The following MBP variants were observed in gnomAD, a reference collection of about 807,000 sequenced individuals.
The protein encoded by MBP is myelin basic protein.
A neutral mutation model predicts 35.8 loss-of-function variants in MBP; 16 were observed. The ratio of observed to expected loss-of-function variants is 0.45; its 90% CI spans 0.30 to 0.68. The LOEUF (loss-of-function observed/expected upper bound fraction) is 0.68, where lower values mean the gene tolerates loss of function less well. MBP is among the 30% of genes least tolerant of loss of function. MBP has a pLI of 0.08. For synonymous variants in MBP, 143 were observed against 159.6 expected, an observed-to-expected ratio of 0.90 and a Z score of 0.78; for missense variants, 380 against 404.7, an observed-to-expected ratio of 0.94 and a Z score of 0.52.
At chr18:77,013,947 G>A (rs866922611) in intron 4 of MBP, 15 of 985,440 alleles carry the variant, frequency 1.5e-5, no homozygotes, top group Non-Finnish European at 1.8e-5. Flanking sequence ...CTGGCACAGA[G>A]TGATGCTGGA....
intron 3 of MBP, among the ~76,000 whole-genome samples, chr18:77,023,517 C>A (rs547412034): frequency 6.6e-6 from 1 of 152,150 alleles, no homozygotes; most frequent in African/African-American, 2.4e-5. Context: ...AGGATCCCTT[C>A]GTGGGTTCCA....
intron 2 of MBP, among the ~76,000 whole-genome samples, chr18:77,071,414 C>G (rs1399870035): frequency 6.6e-6 from 1 of 151,496 alleles, no homozygotes; most frequent in Admixed American, 6.6e-5. Flanking sequence ...CTAAGCTTGT[C>G]CAGCCCATCT....
intron 1 of MBP, among the ~76,000 whole-genome samples, chr18:77,119,470 A>G (rs188855906): frequency 6.6e-6 from 1 of 152,168 alleles, no homozygotes. Context: ...TGGTAGGTAC[A>G]TGACACACAG....
intron 1 of MBP, among the ~76,000 whole-genome samples, chr18:77,125,567 T>C (rs12457502): frequency 0.11 from 17,037 of 152,154 alleles, 1,021 homozygotes; most frequent in African/African-American, 0.13. Flanking sequence ...ATTTGAAAAT[T>C]TTAAAGAAAT....
intron 1 of MBP, chr18:77,112,469 T>G (rs1976500364): frequency 6.6e-6 from 1 of 152,158 alleles, no homozygotes; most frequent in Non-Finnish European, 1.5e-5. Flanking sequence ...GGGAGGGAGA[T>G]GCAGAAGTTT....
intron 1 of MBP, chr18:77,114,574 C>T (rs1229609150): frequency 1.3e-5 from 2 of 152,254 alleles, no homozygotes; most frequent in Non-Finnish European, 1.5e-5. Flanking sequence ...ACGAAATTCT[C>T]TGTGTAAAAA....
At chr18:77,005,613 C>T (rs1970918187) in intron 4 of MBP, 1 of 152,286 alleles carries the variant, frequency 6.6e-6, no homozygotes, top group Non-Finnish European at 1.5e-5. Flanking sequence ...TTACCATTTC[C>T]TTCTGAGAAT....
intron 3 of MBP, among the ~76,000 whole-genome samples, chr18:77,041,749 A>AG (rs1204267790): frequency 1.6e-5 from 2 of 126,938 alleles, no homozygotes; most frequent in Admixed American, 2.1e-4. Flanking sequence ...GGACACAGGA[A>AG]GGGGAACATC....
chr18:77,066,518 A>G (rs1421650814), intron 2 of MBP, 133 bp from the exon 3 acceptor site: 3 of 787,868 alleles, frequency 3.8e-6, no homozygotes, highest in South Asian at 2.7e-5. Flanking sequence ...AAGATAGAAT[A>G]TAGAGCCTTG....
chr18:77,001,667 G>A (rs1332176577), intron 4 of MBP, among the ~76,000 whole-genome samples: 4 of 152,126 alleles, frequency 2.6e-5, no homozygotes, highest in Non-Finnish European at 2.9e-5. Flanking sequence ...CCTGGCCAAC[G>A]TGGCAAAACC....
At chr18:77,092,468 C>T (rs1436186672) in intron 2 of MBP, among the ~76,000 whole-genome samples, 2 of 152,236 alleles carry the variant, frequency 1.3e-5, no homozygotes, top group African/African-American at 4.8e-5. Flanking sequence ...TGCAAACGGA[C>T]ACACGCAAAC....
chr18:77,001,629 T>G (rs1970640109), intron 4 of MBP, among the ~76,000 whole-genome samples: 1 of 152,282 alleles, frequency 6.6e-6, no homozygotes, highest in African/African-American at 2.4e-5. Context: ...GGCGGGTGGA[T>G]CACCTGAGAT....
intron 4 of MBP, among the ~76,000 whole-genome samples, chr18:76,993,650 C>G (rs191827864): frequency 4.8e-4 from 73 of 152,246 alleles, no homozygotes; most frequent in Admixed American, 7.8e-4. Context: ...ATTTTGTGCC[C>G]TCGTTGGTTA....
rs1307842960 is a variant in MBP at position 77,070,871 on chromosome 18, C to T, written c.52-4486G>A. On this transcript the variant is annotated intron_variant, in intron 2 of 8. Transcript: ENST00000355994. ...CAGTCACAGCCAGGACGTCGGCGGG[C>T]GGAATCCTGGTTGGTTTTGAGGACC... Among the ~76,000 whole-genome samples the T allele has an allele frequency of 3.9e-5, 6 of 152,150 alleles. No individual in the cohort carries two copies. The East Asian group carries it at 9.6e-4, about 24-fold the overall frequency.
intron 1 of MBP, among the ~76,000 whole-genome samples, chr18:77,118,677 C>A (rs1976786399): frequency 6.8e-6 from 1 of 148,018 alleles, no homozygotes; most frequent in African/African-American, 2.5e-5. Context: ...ATACCACACA[C>A]ACACACCACA....
At chr18:77,072,496 T>C (rs892198898) in intron 2 of MBP, among the ~76,000 whole-genome samples, 1 of 152,242 alleles carries the variant, frequency 6.6e-6, no homozygotes, top group African/African-American at 2.4e-5. Flanking sequence ...CTGAGTTTTC[T>C]GTACCTGTTT....
chr18:76,989,781 C>T lies in MBP; in HGVS notation c.681+175G>A, dbSNP rs1969784814. ...ATCCGTGGCAGATACAGTCGGGAAGCGCTTGCCTGGAACTCGCGATCAGGT... is the reference window on the plus strand; with the variant it reads ...ATCCGTGGCAGATACAGTCGGGAAGTGCTTGCCTGGAACTCGCGATCAGGT... On this transcript the variant is annotated intron_variant, in intron 5 of 8. Coordinates refer to ENST00000355994, the MANE Select transcript of MBP (RefSeq NM_001025101.2). The surrounding 1 kb of genome is among the most constrained non-coding windows in gnomAD (Gnocchi z 4.0). 1 of 611,140 alleles carries T rather than the reference C, an allele frequency of 1.6e-6. No individual in the cohort carries two copies. The highest frequency in any genetic ancestry group is 3.0e-6 in the Non-Finnish European group (1 of 338,524). 37.9% of individuals were successfully genotyped at this position (611,140 alleles called of 1,614,324 possible).
intron 2 of MBP, among the ~76,000 whole-genome samples, chr18:77,068,712 G>T (rs1476096915): frequency 1.3e-5 from 2 of 152,186 alleles, no homozygotes; most frequent in African/African-American, 2.4e-5. Context: ...AGAGTCCCAC[G>T]AAACAGTTAC....
chr18:77,100,361 A>C (rs1230904006), intron 2 of MBP, among the ~76,000 whole-genome samples: 1 of 152,158 alleles, frequency 6.6e-6, no homozygotes, highest in African/African-American at 2.4e-5. Context: ...GACAGAAGAA[A>C]TGTCGGTCTT....
Sources: gnomAD v4.1 joint callset for allele counts (sites outside exome capture counted in the v4.1 genomes callset) on GRCh38, gnomAD v4.1.1 for gene constraint, Gnocchi (gnomAD v3.1) non-coding constraint, MANE v1.5 for transcripts, NCBI Gene and HGNC (gene_info 2026-07-23, HGNC 2026-07-21) for gene names.